Variants in SAMD4A observed in about 807,000 individuals in gnomAD.
SAMD4A encodes the protein sterile alpha motif domain containing 4A.
SAMD4A carries 33 observed loss-of-function variants against 81.3 expected under a neutral mutation model. That is an observed-to-expected ratio of 0.41 (90% CI 0.31 to 0.54). The LOEUF is 0.54. Ranked by LOEUF, SAMD4A falls within the 20% of genes least tolerant of loss-of-function variation. The pLI, the probability that SAMD4A is intolerant of heterozygous loss-of-function variation, is 0.37. For missense variants in SAMD4A, 854 were observed against 951.1 expected (o/e 0.90, Z 1.34); for synonymous variants, 389 against 382.1 (o/e 1.02, Z -0.21).
intron 10 of SAMD4A, among the ~76,000 whole-genome samples, chr14:54,776,005 G>A (rs1319055953): frequency 2.9e-5 from 3 of 102,184 alleles, no homozygotes; most frequent in Non-Finnish European, 5.4e-5. Flanking sequence ...GGAGTACATT[G>A]TAAGAATCTT....
intron 2 of SAMD4A, chr14:54,688,222 A>G (rs1480367014): frequency 3.1e-5 from 31 of 985,316 alleles, no homozygotes; most frequent in Non-Finnish European, 3.6e-5. Flanking sequence ...CTGTTACTGC[A>G]TGTCTTGTGG....
At chr14:54,635,765 A>G (rs745403903) in intron 2 of SAMD4A, among the ~76,000 whole-genome samples, 6 of 152,128 alleles carry the variant, frequency 3.9e-5, no homozygotes, top group African/African-American at 7.2e-5. Flanking sequence ...AAAAGAAAAA[A>G]TTAGCCAATG....
chr14:54,602,323 TACACACACACACACACACAC>T (rs3049830), intron 2 of SAMD4A, among the ~76,000 whole-genome samples: 57 of 136,640 alleles, frequency 4.2e-4, no homozygotes, highest in East Asian at 1.6e-3. Context: ...TGCTTTAAAA[TACACACACACACACACACAC>T]ACACACACAC....
At chr14:54,636,266 T>A (rs1038657291) in intron 2 of SAMD4A, among the ~76,000 whole-genome samples, 1 of 151,898 alleles carries the variant, frequency 6.6e-6, no homozygotes, top group East Asian at 1.9e-4. Flanking sequence ...AGCCCTTAGG[T>A]TGGGATGTAC....
chr14:54,790,051 TG>T lies in SAMD4A; in HGVS notation c.*1109del, dbSNP rs1268742883. 6.6e-6 allele frequency: 1 copy of T among 152,256 alleles called. No individual in the cohort carries two copies. 9.4% of individuals were successfully genotyped at this position (152,256 alleles called of 1,614,324 possible). ...ACACACAGGTGGGTACAAGTTCCAC[TG>T]GAGGAGAAAAGGCAAGGATGGACTT... On this transcript the variant is annotated 3_prime_UTR_variant, in exon 13 of 13. Transcript: ENST00000554335.
chr14:54,737,561 T>TTTTTTG (rs34263162), intron 4 of SAMD4A, among the ~76,000 whole-genome samples: 13 of 122,644 alleles, frequency 1.1e-4, no homozygotes, highest in East Asian at 7.5e-4. Flanking sequence ...TTTTTTTTTT[T>TTTTTTG]GCATTGCAGT....
At chr14:54,616,111 C>T (rs1319815901) in intron 2 of SAMD4A, among the ~76,000 whole-genome samples, 3 of 152,136 alleles carry the variant, frequency 2.0e-5, no homozygotes, top group African/African-American at 4.8e-5. Context: ...AAATAGCTTC[C>T]TCTATTTAAG....
At chr14:54,608,087 G>A (rs1211961458) in intron 2 of SAMD4A, among the ~76,000 whole-genome samples, 1 of 151,942 alleles carries the variant, frequency 6.6e-6, no homozygotes, top group East Asian at 1.9e-4. Context: ...AGCCACTAGT[G>A]TCGAGAGGAC....
At chr14:54,772,482 C>T (rs191986440) in intron 9 of SAMD4A, among the ~76,000 whole-genome samples, 3 of 152,304 alleles carry the variant, frequency 2.0e-5, no homozygotes, top group Non-Finnish European at 2.9e-5. Flanking sequence ...CCCCTCATCA[C>T]GTCCTACTCC....
At chr14:54,640,091 T>C (rs1433737134) in intron 2 of SAMD4A, among the ~76,000 whole-genome samples, 1 of 152,066 alleles carries the variant, frequency 6.6e-6, no homozygotes, top group African/African-American at 2.4e-5. Context: ...GCAAGTCTGT[T>C]ACTCCAAGCA....
At chr14:54,592,718 CA>C (rs2033812749) in intron 2 of SAMD4A, among the ~76,000 whole-genome samples, 1 of 152,198 alleles carries the variant, frequency 6.6e-6, no homozygotes, top group South Asian at 2.1e-4. Context: ...CTTGGCCTCC[CA>C]AAGTGCTGGG....
chr14:54,584,668 T>G (rs1451851331), intron 2 of SAMD4A, among the ~76,000 whole-genome samples: 1 of 152,220 alleles, frequency 6.6e-6, no homozygotes, highest in Non-Finnish European at 1.5e-5. Context: ...GTTCCTGCCC[T>G]TTACCGCATT....
At chr14:54,696,373 G>A (rs1273399975) in intron 2 of SAMD4A, among the ~76,000 whole-genome samples, 2 of 152,186 alleles carry the variant, frequency 1.3e-5, no homozygotes, top group African/African-American at 4.8e-5. Context: ...GATTGACTTT[G>A]TAACATTCTT....
intron 3 of SAMD4A, among the ~76,000 whole-genome samples, chr14:54,724,899 C>T (rs1405061131): frequency 6.6e-6 from 1 of 152,132 alleles, no homozygotes; most frequent in Non-Finnish European, 1.5e-5. Context: ...AATAATATCT[C>T]ATCCAAATGA....
At chr14:54,682,192 GT>G in intron 2 of SAMD4A, 2 of 354,040 alleles carry the variant, frequency 5.6e-6, no homozygotes, top group Non-Finnish European at 7.9e-6. Flanking sequence ...TGAGGTATGA[GT>G]TTATAGGGGA....
chr14:54,675,298 G>C (rs1376164345), intron 2 of SAMD4A, among the ~76,000 whole-genome samples: 4 of 149,912 alleles, frequency 2.7e-5, no homozygotes, highest in African/African-American at 9.8e-5. Context: ...CCTAGGAGGT[G>C]GAGGTTGCAG....
chr14:54,737,055 G>A lies in SAMD4A; in HGVS notation c.747G>A (p.Leu249=), dbSNP rs1352881110. ...ILSGQAHHSP[L]KRSVSLTPPM... ...CAGGCCAGGCACACCACAGCCCTTT[G>A]AAACGATCTGTGTCCCTTACCCCAC... is the stretch of plus-strand genomic sequence containing the variant. Residue 249 remains leucine, a synonymous_variant, in exon 4 of 13, where the codon TTG becomes TTA. Transcript: ENST00000554335. The A allele has an allele frequency of 6.2e-7, 1 of 1,613,710 alleles. No individual in the cohort carries two copies. Among genetic ancestry groups the A allele is most frequent in the African/African-American group, 1.3e-5 (1 of 74,806 alleles).
chr14:54,780,802 TAGG>T (rs2038980823), intron 11 of SAMD4A, among the ~76,000 whole-genome samples: 1 of 152,068 alleles, frequency 6.6e-6, no homozygotes, highest in African/African-American at 2.4e-5. Context: ...TTAGGAATGT[TAGG>T]AGGCCACCAG....
intron 2 of SAMD4A, among the ~76,000 whole-genome samples, chr14:54,598,760 A>G (rs1377787250): frequency 1.3e-5 from 2 of 152,158 alleles, no homozygotes; most frequent in Admixed American, 1.3e-4. Context: ...AGTGGTATAA[A>G]CACCACTATC....
Sources: allele counts gnomAD v4.1 joint callset (sites outside exome capture counted in the v4.1 genomes callset), GRCh38; gene constraint gnomAD v4.1.1; transcripts MANE v1.5; gene names NCBI Gene and HGNC (gene_info 2026-07-23, HGNC 2026-07-21).